PTPN23: variants seen among roughly 807,000 people sequenced by gnomAD.
PTPN23 encodes the protein tyrosine-protein phosphatase non-receptor type 23.
In PTPN23, 72 loss-of-function variants were observed where a neutral mutation model predicts 156.3. That is an observed-to-expected ratio of 0.46 (90% confidence interval 0.38 to 0.56). The LOEUF is 0.56. Among genes scored for constraint, PTPN23 ranks in the 20% least tolerant of loss-of-function variants. PTPN23 has a pLI of 0.00. For missense variants in PTPN23, 1,974 were observed against 2,171.5 expected (o/e 0.91, Z 1.81); for synonymous variants, 957 against 899.6 (o/e 1.06, Z -1.14).
chr3:47,381,085 G>T lies in PTPN23; in HGVS notation c.-12G>T. On this transcript the variant is annotated 5_prime_UTR_variant, in exon 1 of 25. Transcript: ENST00000265562. Reference sequence around the variant, plus strand: ...ACGGGAGTGGCCGGGTGGCCGGCGGGTGCCAGCCGCCATGGAGGCCGTGCC... The same window carrying T: ...ACGGGAGTGGCCGGGTGGCCGGCGGTTGCCAGCCGCCATGGAGGCCGTGCC... 1 of 1,563,934 alleles carries T rather than the reference G, an allele frequency of 6.4e-7. No homozygotes were observed. Among genetic ancestry groups the T allele is most frequent in the South Asian group, 1.2e-5 (1 of 85,158 alleles).
In PTPN23 at chr3:47,409,167, C is replaced by G; in HGVS notation, c.1647C>G (p.Asp549Glu). 6.2e-7 allele frequency: 1 copy of G among 1,613,594 alleles called. No individual in the cohort carries two copies. The change falls in exon 17 of 25, where the codon GAC becomes GAG. Residue 549 changes from aspartate to glutamate, a missense_variant. Asp to Glu is a conservative substitution (Grantham distance 45). Coordinates refer to ENST00000265562, the MANE Select transcript of PTPN23 (RefSeq NM_015466.4). ...ACTGACCACTGCTGCCCACAGAGGA[C>G]AAGGCCGTGCTGCAAAACCTAAAGC... ...ALPTPALSPE[D>E]KAVLQNLKRI...
chr3:47,385,642 A>G (rs1704637839), intron 1 of PTPN23, among the ~76,000 whole-genome samples: 1 of 152,082 alleles, frequency 6.6e-6, no homozygotes, highest in African/African-American at 2.4e-5. Flanking sequence ...ACACCACTGT[A>G]CTCTAGTCAG....
chr3:47,403,303 C>T (rs928112145), intron 2 of PTPN23, among the ~76,000 whole-genome samples: 4 of 151,708 alleles, frequency 2.6e-5, no homozygotes, highest in Non-Finnish European at 5.9e-5. Context: ...CCTCCCGCCT[C>T]GGCCTCCGAA....
chr3:47,409,132 C>T (rs780028955), intron 16 of PTPN23, 31 bp from the exon 17 acceptor site: 15 of 1,607,958 alleles, frequency 9.3e-6, no homozygotes, highest in Admixed American at 1.7e-5. Flanking sequence ...CTGGGGGTTT[C>T]TCTGGCCTCA....
intron 1 of PTPN23, among the ~76,000 whole-genome samples, chr3:47,386,045 C>A (rs961796521): frequency 6.6e-6 from 1 of 152,182 alleles, no homozygotes; most frequent in African/African-American, 2.4e-5. Flanking sequence ...CATTAGGGTC[C>A]TCTCAGCCAC....
chr3:47,413,404 G>C lies in PTPN23; in HGVS notation c.*219G>C. 1 of 614,886 alleles carries C rather than the reference G, an allele frequency of 1.6e-6. No individual in the cohort carries two copies. Among genetic ancestry groups the C allele is most frequent in the Non-Finnish European group, 2.7e-6 (1 of 367,328 alleles). 38.1% of individuals were successfully genotyped at this position (614,886 alleles called of 1,614,324 possible). A position where few individuals can be genotyped will look rare whatever the true frequency, so the allele number is the denominator to read the frequency against. On this transcript the variant is annotated 3_prime_UTR_variant, in exon 25 of 25. Coordinates refer to ENST00000265562, the MANE Select transcript of PTPN23 (RefSeq NM_015466.4). ...GGGACCCGACATTTTTCAGCTCTTT[G>C]CTATTGAAATAATAAACCACCCTGT...
chr3:47,386,514 A>T (rs1704656002), intron 1 of PTPN23, among the ~76,000 whole-genome samples: 1 of 151,904 alleles, frequency 6.6e-6, no homozygotes, highest in African/African-American at 2.4e-5. Flanking sequence ...TTTTATTCAC[A>T]TCCGGGTAGA....
chr3:47,384,450 T>C (rs1704613503), intron 1 of PTPN23, among the ~76,000 whole-genome samples: 1 of 72,858 alleles, frequency 1.4e-5, no homozygotes, highest in Non-Finnish European at 2.6e-5. Flanking sequence ...AGAGCGAGAC[T>C]GTCTCAAAAA....
chr3:47,396,284 A>G (rs929392951), intron 2 of PTPN23, 67 bp downstream of exon 2: 2 of 1,370,424 alleles, frequency 1.5e-6, no homozygotes, highest in Admixed American at 3.7e-5. Flanking sequence ...AGATAAAGAA[A>G]CTGCCTAGGC....
In PTPN23 at chr3:47,406,219, G is replaced by A; in HGVS notation, c.547-106G>A. 1 of 1,483,428 alleles carries A rather than the reference G, an allele frequency of 6.7e-7. No homozygotes were observed. The allele number at this position is 1,483,428 out of a possible 1,614,324, so 91.9% of individuals were successfully genotyped here. A position where few individuals can be genotyped will look rare whatever the true frequency, so the allele number is the denominator to read the frequency against. On this transcript the variant is annotated intron_variant, in intron 6 of 24. Coordinates refer to ENST00000265562, the MANE Select transcript of PTPN23 (RefSeq NM_015466.4). This position sits in a 1 kb window ranked among gnomAD's most constrained non-coding sequence, Gnocchi z 5.8. ...TTGGAGTGGGGGCAGCTGGGGGAGAGGGCAGTGAAGAGGGATCCCTCAGTC... is the reference window on the plus strand; with the variant it reads ...TTGGAGTGGGGGCAGCTGGGGGAGAAGGCAGTGAAGAGGGATCCCTCAGTC...
chr3:47,407,237 T>C lies in PTPN23; in HGVS notation c.864+51T>C. ...CCTGAGGGTATAGGAGCAAGCCCGG[T>C]AGGACTGAGGGGGTGTCCTGGTGCC... is the stretch of plus-strand genomic sequence containing the variant. On this transcript the variant is annotated intron_variant, in intron 10 of 24. Coordinates refer to ENST00000265562, the MANE Select transcript of PTPN23 (RefSeq NM_015466.4). This position sits in a 1 kb window ranked among gnomAD's most constrained non-coding sequence, Gnocchi z 4.0. 2 of 1,613,628 alleles carry C rather than the reference T, an allele frequency of 1.2e-6. No homozygotes were observed. The highest frequency in any genetic ancestry group is 1.7e-6 in the Non-Finnish European group (2 of 1,179,672).
intron 1 of PTPN23, among the ~76,000 whole-genome samples, chr3:47,384,505 A>G (rs988003738): frequency 1.3e-5 from 2 of 151,828 alleles, no homozygotes; most frequent in Non-Finnish European, 2.9e-5. Flanking sequence ...GTATAGAAAT[A>G]CCAGCCTGAG....
Position 47,407,587 on chromosome 3 carries a change from C to A in PTPN23, c.1003+3C>A. ...GGACACTCTTCAGCCTGTAAAAGGT[C>A]GGGGAGCTGAGAGGTGGGGGCAGAG... On this transcript the variant is annotated splice_donor_region_variant and intron_variant, in intron 12 of 24. Transcript: ENST00000265562. This position sits in a 1 kb window ranked among gnomAD's most constrained non-coding sequence, Gnocchi z 4.0. 6.2e-7 allele frequency: 1 copy of A among 1,612,692 alleles called. No homozygotes were observed. Among genetic ancestry groups the A allele is most frequent in the Non-Finnish European group, 8.5e-7 (1 of 1,178,828 alleles).
rs750463419 is a variant in PTPN23, at chr3:47,411,891, G to A, written c.3997G>A (p.Val1333Met). 12 of 1,613,292 alleles carry A rather than the reference G, an allele frequency of 7.4e-6. No homozygotes were observed. Among genetic ancestry groups the A allele is most frequent in the Non-Finnish European group, 9.3e-6 (11 of 1,180,030 alleles). Reference sequence around the variant, plus strand: ...CAGCACCGAAACCCATGTGGAGCGCGTGCTGAGCCTGCAGTTCCGAGACCA... The same window carrying A: ...CAGCACCGAAACCCATGTGGAGCGCATGCTGAGCCTGCAGTTCCGAGACCA... ...VRSTETHVER[V>M]LSLQFRDQSL... is the part of the protein sequence containing the mutation. The change falls in exon 21 of 25, where the codon GTG becomes ATG. Residue 1333 changes from valine to methionine, a missense_variant. This residue lies in a region of PTPN23 where 484 missense variants were observed against 516.0 expected (regional missense o/e 0.94). Coordinates refer to ENST00000265562, the MANE Select transcript of PTPN23 (RefSeq NM_015466.4). This position sits in a 1 kb window ranked among gnomAD's most constrained non-coding sequence, Gnocchi z 6.3.
chr3:47,400,008 C>T (rs1459499096), intron 2 of PTPN23, among the ~76,000 whole-genome samples: 3 of 152,058 alleles, frequency 2.0e-5, no homozygotes, highest in Non-Finnish European at 2.9e-5. Context: ...CATGGAGTCT[C>T]GTATATTCCC....
intron 1 of PTPN23, among the ~76,000 whole-genome samples, chr3:47,388,785 C>T (rs1270514834): frequency 6.6e-6 from 1 of 151,798 alleles, no homozygotes; most frequent in Non-Finnish European, 1.5e-5. Flanking sequence ...CTGCCTCAGC[C>T]TCCCGAGTAG....
chr3:47,405,668 T>A lies in PTPN23; in HGVS notation c.365-81T>A. On this transcript the variant is annotated intron_variant, in intron 4 of 24. Coordinates refer to ENST00000265562, the MANE Select transcript of PTPN23 (RefSeq NM_015466.4). The surrounding 1 kb of genome is among the most constrained non-coding windows in gnomAD (Gnocchi z 4.7). Reference sequence around the variant, plus strand: ...AGAGCCATGTTGTCCTGATTGTGGATAACAGCAGTGCCCCCTCTGTCTCAC... The same window carrying A: ...AGAGCCATGTTGTCCTGATTGTGGAAAACAGCAGTGCCCCCTCTGTCTCAC... 7.1e-7 allele frequency: 1 copy of A among 1,399,386 alleles called. No individual in the cohort carries two copies. Among genetic ancestry groups the A allele is most frequent in the African/African-American group, 1.4e-5 (1 of 70,252 alleles). 86.7% of individuals were successfully genotyped at this position (1,399,386 alleles called of 1,614,324 possible). A position where few individuals can be genotyped will look rare whatever the true frequency, so the allele number is the denominator to read the frequency against.
At position 47,410,738 on chromosome 3, in the gene PTPN23, T is replaced by C. The variant is rs2107723522; in HGVS notation, c.2940T>C (p.His980=). 5 of 1,562,390 alleles carry C rather than the reference T, an allele frequency of 3.2e-6. No homozygotes were observed. The highest frequency in any genetic ancestry group is 4.3e-6 in the Non-Finnish European group (5 of 1,155,404). The change falls in exon 20 of 25, where the codon CAT becomes CAC. Residue 980 remains histidine (H), a synonymous_variant. Coordinates refer to ENST00000265562, the MANE Select transcript of PTPN23 (RefSeq NM_015466.4). ...CACAGCAGCCCCTTCCACTCCAGCATCCACATCTCTTCCCACCCCAGGCCC... is the reference window on the plus strand; with the variant it reads ...CACAGCAGCCCCTTCCACTCCAGCACCCACATCTCTTCCCACCCCAGGCCC... ...QPPQQPLPLQ[H]PHLFPPQAPG... is the part of the protein sequence containing the mutation.
chr3:47,402,300 G>C (rs1215032948), intron 2 of PTPN23, among the ~76,000 whole-genome samples: 3 of 151,652 alleles, frequency 2.0e-5, no homozygotes, highest in African/African-American at 7.3e-5. Flanking sequence ...TATTATTTGA[G>C]ACCGAGTCTC....
Sources: gnomAD v4.1 joint callset for allele counts (sites outside exome capture counted in the v4.1 genomes callset) on GRCh38, gnomAD v4.1.1 for gene constraint, gnomAD v4.1.1 regional missense constraint, Gnocchi (gnomAD v3.1) non-coding constraint, MANE v1.5 for transcripts, NCBI Gene and HGNC (gene_info 2026-07-23, HGNC 2026-07-21) for gene names.